Variants in CREB5 observed in about 807,000 individuals in gnomAD.
The protein encoded by CREB5 is cAMP responsive element binding protein 5, also known as cyclic AMP-responsive element-binding protein 5.
Under a neutral mutation model 57.1 loss-of-function variants are expected in CREB5, and 19 were observed. The observed-to-expected ratio is 0.33, with a 90% CI of 0.23 to 0.49. The LOEUF (loss-of-function observed/expected upper bound fraction) is 0.49. CREB5 is among the 20% of genes least tolerant of loss of function. CREB5 has a pLI of 0.99. For synonymous variants in CREB5, 238 were observed against 238.3 expected (o/e 1.00, Z 0.01); for missense variants, 579 against 671.6 (o/e 0.86, Z 1.52).
At chr7:28,666,274 GT>G (rs1252222954) in intron 5 of CREB5, among the ~76,000 whole-genome samples, 27 of 152,116 alleles carry the variant, frequency 1.8e-4, no homozygotes, top group Non-Finnish European at 2.2e-4. Context: ...CCTTATAAAT[GT>G]ATATGACTCA....
chr7:28,732,541 T>C (rs1803707308), intron 7 of CREB5, among the ~76,000 whole-genome samples: 1 of 152,044 alleles, frequency 6.6e-6, no homozygotes, highest in Non-Finnish European at 1.5e-5. Context: ...TTCAGCTGTG[T>C]CAGAAAAGCC....
At chr7:28,658,198 C>T (rs113725766) in intron 5 of CREB5, among the ~76,000 whole-genome samples, 1 of 152,118 alleles carries the variant, frequency 6.6e-6, no homozygotes, top group African/African-American at 2.4e-5. Context: ...TTTTAACTGC[C>T]TTTTGGAGCC....
chr7:28,526,840 T>A lies in CREB5; in HGVS notation c.291+19103T>A, dbSNP rs558944823. Reference sequence around the variant, plus strand: ...GGAGCACAGGCACTGAATGGTATAATCATTCATTCCTGTTTTCTTTCTTTG... The same window carrying A: ...GGAGCACAGGCACTGAATGGTATAAACATTCATTCCTGTTTTCTTTCTTTG... On this transcript the variant is annotated intron_variant, in intron 4 of 10. Transcript: ENST00000357727. Among the ~76,000 whole-genome samples the A allele has an allele frequency of 2.6e-5, 4 of 152,302 alleles. No individual in the cohort carries two copies. The South Asian group carries it at 8.3e-4, about 32-fold the overall frequency.
intron 1 of CREB5, among the ~76,000 whole-genome samples, chr7:28,302,341 A>T (rs976795028): frequency 1.3e-5 from 2 of 152,208 alleles, no homozygotes; most frequent in Admixed American, 1.3e-4. Flanking sequence ...TTCTCTAGTG[A>T]ATATTACATG....
At chr7:28,399,061 A>G (rs553002438) in intron 1 of CREB5, among the ~76,000 whole-genome samples, 1 of 152,234 alleles carries the variant, frequency 6.6e-6, no homozygotes, top group East Asian at 1.9e-4. Flanking sequence ...CATACCTATC[A>G]TTATGTTACC....
intron 5 of CREB5, among the ~76,000 whole-genome samples, chr7:28,689,017 A>G (rs1266670461): frequency 3.3e-5 from 5 of 152,150 alleles, no homozygotes; most frequent in Non-Finnish European, 7.3e-5. Flanking sequence ...CACTTACATG[A>G]TCTCAGCTCA....
intron 5 of CREB5, chr7:28,686,306 C>T (rs1014266347): frequency 1.3e-6 from 1 of 760,404 alleles, no homozygotes; most frequent in Non-Finnish European, 2.2e-6. Flanking sequence ...TTCATTTTCT[C>T]CCCCTTCTCC....
chr7:28,338,345 A>G (rs1785867971), intron 1 of CREB5, among the ~76,000 whole-genome samples: 1 of 152,068 alleles, frequency 6.6e-6, no homozygotes, highest in South Asian at 2.1e-4. Context: ...CATCTGGGAA[A>G]GTCTTTATTT....
At chr7:28,680,660 G>A (rs1208443816) in intron 5 of CREB5, among the ~76,000 whole-genome samples, 2 of 151,864 alleles carry the variant, frequency 1.3e-5, no homozygotes, top group Non-Finnish European at 2.9e-5. Flanking sequence ...TCAGAAGGCC[G>A]AGGTGGGGGA....
At chr7:28,551,173 A>G (rs1583613741) in intron 4 of CREB5, among the ~76,000 whole-genome samples, 1 of 8,072 alleles carries the variant, frequency 1.2e-4, no homozygotes. Flanking sequence ...TGGGATAGGA[A>G]AAAAAAAAAA....
At chr7:28,746,103 G>A (rs532698794) in intron 7 of CREB5, among the ~76,000 whole-genome samples, 12 of 152,292 alleles carry the variant, frequency 7.9e-5, no homozygotes, top group African/African-American at 2.9e-4. Context: ...TATTCAAAAT[G>A]TACCAGAATT....
upstream of CREB5, chr7:28,410,116 T>C (rs796124624): frequency 2.6e-5 from 10 of 382,548 alleles, no homozygotes; most frequent in South Asian, 1.9e-4. Context: ...GAGCTGCAGC[T>C]GCCACCTCTC....
At chr7:28,788,687 C>T (rs1807477631) in intron 7 of CREB5, among the ~76,000 whole-genome samples, 1 of 152,204 alleles carries the variant, frequency 6.6e-6, no homozygotes, top group South Asian at 2.1e-4. Context: ...CTGCCATGCT[C>T]AGGCAGTCAT....
chr7:28,630,977 A>G (rs759924047), intron 5 of CREB5, among the ~76,000 whole-genome samples: 1 of 152,310 alleles, frequency 6.6e-6, no homozygotes, highest in South Asian at 2.1e-4. Flanking sequence ...AAACATTAAT[A>G]ACCTATCCAG....
chr7:28,304,879 G>A (rs117752064), intron 1 of CREB5, among the ~76,000 whole-genome samples: 3,012 of 152,262 alleles, frequency 0.02, 68 homozygotes, highest in Admixed American at 0.055. Flanking sequence ...TTGTAGAAAT[G>A]AAAGGCTGGA....
chr7:28,689,233 T>C (rs111628467), intron 5 of CREB5, among the ~76,000 whole-genome samples: 9,486 of 152,090 alleles, frequency 0.062, 590 homozygotes, highest in African/African-American at 0.16. Context: ...TCCCAGCACT[T>C]TGGGAGGCCG....
chr7:28,524,260 T>C (rs1793328619), intron 4 of CREB5, among the ~76,000 whole-genome samples: 1 of 151,296 alleles, frequency 6.6e-6, no homozygotes, highest in Admixed American at 6.6e-5. Flanking sequence ...GCAGATCACT[T>C]GAGGTCAGAA....
At chr7:28,516,413 T>C (rs1432116297) in intron 4 of CREB5, among the ~76,000 whole-genome samples, 6 of 152,162 alleles carry the variant, frequency 3.9e-5, no homozygotes, top group Non-Finnish European at 8.8e-5. Context: ...CAACATGTGG[T>C]CAGTTAATCC....
intron 2 of CREB5, among the ~76,000 whole-genome samples, chr7:28,493,630 C>A (rs1484601452): frequency 6.6e-6 from 1 of 152,046 alleles, no homozygotes; most frequent in African/African-American, 2.4e-5. Flanking sequence ...AGATGCTGGC[C>A]CCTGGGTGAC....
Sources: gnomAD v4.1 joint callset for allele counts (sites outside exome capture counted in the v4.1 genomes callset) on GRCh38, gnomAD v4.1.1 for gene constraint, MANE v1.5 for transcripts, NCBI Gene and HGNC (gene_info 2026-07-23, HGNC 2026-07-21) for gene names.